Variants in JMJD1C observed in about 807,000 individuals in gnomAD.
The protein encoded by JMJD1C is jumonji domain containing 1C, also known as jumonji domain-containing protein 1C.
Under a neutral mutation model 245.3 loss-of-function variants are expected in JMJD1C, and 31 were observed. The observed-to-expected ratio is 0.13, with a 90% confidence interval of 0.09 to 0.17. JMJD1C has a LOEUF of 0.17. Ranked by LOEUF, JMJD1C falls within the 10% of genes least tolerant of loss-of-function variation. The pLI, the probability that JMJD1C is intolerant of heterozygous loss-of-function variation, is 1.00. For missense variants in JMJD1C, 2,691 were observed against 3,000.2 expected (o/e 0.90, Z 2.41); for synonymous variants, 1,057 against 1,017.4 (o/e 1.04, Z -0.74).
chr10:63,264,877 G>A, intron 2 of JMJD1C, 113 bp from the exon 3 acceptor site: 1 of 533,272 alleles, frequency 1.9e-6, no homozygotes, highest in Non-Finnish European at 3.3e-6. Context: ...AGAGTCTTAG[G>A]GTACCTAATA....
chr10:63,167,977 A>G lies in JMJD1C; in HGVS notation c.*68T>C, dbSNP rs1373979276. The stretch of plus-strand genomic sequence containing the variant: ...TTTATGAAGCTTAAAGTCAGTGTGC[A>G]TACATATCATCATTCAAGGTTAAGT... On this transcript the variant is annotated 3_prime_UTR_variant, in exon 26 of 26. Coordinates refer to ENST00000399262, the MANE Select transcript of JMJD1C (RefSeq NM_032776.3). The G allele has an allele frequency of 9.9e-6, 9 of 912,064 alleles. No individual in the cohort carries two copies. The highest frequency in any genetic ancestry group is 1.6e-5 in the African/African-American group (1 of 61,574). The allele number at this position is 912,064 out of a possible 1,614,324, so 56.5% of individuals were successfully genotyped here. A position where few individuals can be genotyped will look rare whatever the true frequency, so the allele number is the denominator to read the frequency against.
chr10:63,389,178 G>C (rs757144032), intron 1 of JMJD1C, among the ~76,000 whole-genome samples: 1 of 151,722 alleles, frequency 6.6e-6, no homozygotes, highest in African/African-American at 2.4e-5. Flanking sequence ...ACAAAAATTG[G>C]TGACATGCCT....
chr10:63,244,030 C>A (rs947426262), intron 3 of JMJD1C, among the ~76,000 whole-genome samples: 3 of 152,140 alleles, frequency 2.0e-5, no homozygotes, highest in Admixed American at 6.5e-5. Context: ...GGAGATCTAT[C>A]CCTGCCTCAA....
chr10:63,220,991 G>T (rs1341303072), intron 3 of JMJD1C, among the ~76,000 whole-genome samples: 2 of 151,814 alleles, frequency 1.3e-5, no homozygotes, highest in Admixed American at 6.6e-5. Flanking sequence ...GGAGCCTGTA[G>T]TCCCAGCTAC....
At position 63,296,001 on chromosome 10, in the gene JMJD1C, GTGTA is replaced by G. The variant is rs1216119520; in HGVS notation, c.334-31241_334-31238del. On this transcript the variant is annotated intron_variant, in intron 2 of 25. Coordinates refer to ENST00000399262, the MANE Select transcript of JMJD1C (RefSeq NM_032776.3). ...TGTGTGTGTGTGTGTGTGTGTGTGT[GTGTA>G]TATATATATTTTTTTTTTTTTCTTA... Among the ~76,000 whole-genome samples the G allele has an allele frequency of 1.2e-4, 12 of 97,620 alleles. No homozygotes were observed. In the East Asian group the frequency reaches 1.6e-3, roughly 13 times the overall value. 64.0% of individuals were successfully genotyped at this position (97,620 alleles called of 152,430 possible).
chr10:63,330,394 G>C (rs1942018743), intron 2 of JMJD1C, among the ~76,000 whole-genome samples: 1 of 151,694 alleles, frequency 6.6e-6, no homozygotes, highest in Non-Finnish European at 1.5e-5. Flanking sequence ...AGAAGAAAAT[G>C]GTATCTTTCT....
intron 2 of JMJD1C, among the ~76,000 whole-genome samples, chr10:63,353,504 G>C (rs746812599): frequency 1.7e-4 from 26 of 152,242 alleles, no homozygotes; most frequent in Middle Eastern, 3.4e-3. Context: ...GGGAACCACA[G>C]GTACTTTGGG....
chr10:63,410,442 G>A (rs1949414770), intron 1 of JMJD1C, among the ~76,000 whole-genome samples: 1 of 152,154 alleles, frequency 6.6e-6, no homozygotes, highest in Non-Finnish European at 1.5e-5. Context: ...TGAAGAGTGA[G>A]TGAGGTGAAA....
intron 2 of JMJD1C, among the ~76,000 whole-genome samples, chr10:63,342,442 A>G (rs1436800091): frequency 6.6e-6 from 1 of 152,248 alleles, no homozygotes; most frequent in African/African-American, 2.4e-5. Flanking sequence ...TTAAAAAGCC[A>G]TCTAGCAGAA....
intron 1 of JMJD1C, among the ~76,000 whole-genome samples, chr10:63,412,569 C>G (rs1239156669): frequency 6.6e-6 from 1 of 152,146 alleles, no homozygotes; most frequent in Non-Finnish European, 1.5e-5. Flanking sequence ...GGCTAAAAAC[C>G]TATCACAGCA....
chr10:63,512,987 ATTC>A (rs1045332783), intron 1 of JMJD1C, among the ~76,000 whole-genome samples: 5 of 152,148 alleles, frequency 3.3e-5, no homozygotes, highest in Admixed American at 2.0e-4. Context: ...TATCAATGAA[ATTC>A]TTCATTTGTT....
intron 3 of JMJD1C, among the ~76,000 whole-genome samples, chr10:63,230,664 A>G (rs746404965): frequency 6.6e-6 from 1 of 151,966 alleles, no homozygotes; most frequent in Non-Finnish European, 1.5e-5. Context: ...AATCCCAGCT[A>G]CTTGAGAGGC....
chr10:63,467,959 C>T (rs1295097586), upstream of JMJD1C, among the ~76,000 whole-genome samples: 2 of 152,190 alleles, frequency 1.3e-5, no homozygotes, highest in Non-Finnish European at 2.9e-5. Flanking sequence ...ATCCCACTCA[C>T]CAAATTACAT....
intron 3 of JMJD1C, among the ~76,000 whole-genome samples, chr10:63,238,662 T>A (rs994505900): frequency 1.3e-5 from 2 of 152,226 alleles, no homozygotes; most frequent in African/African-American, 4.8e-5. Context: ...CATAACCTCA[T>A]GCTGTCAAGC....
chr10:63,499,527 G>A (rs571253741), intron 1 of JMJD1C, among the ~76,000 whole-genome samples: 6 of 152,246 alleles, frequency 3.9e-5, no homozygotes, highest in Non-Finnish European at 7.4e-5. Context: ...ACATACTAAT[G>A]TAGATCATGG....
At chr10:63,333,027 T>C (rs1433055426) in intron 2 of JMJD1C, among the ~76,000 whole-genome samples, 12 of 152,182 alleles carry the variant, frequency 7.9e-5, no homozygotes, top group Non-Finnish European at 1.3e-4. Flanking sequence ...TGTTTAAGCT[T>C]AATTTTTAGC....
At chr10:63,374,812 T>C (rs1340208786) in intron 2 of JMJD1C, among the ~76,000 whole-genome samples, 1 of 152,178 alleles carries the variant, frequency 6.6e-6, no homozygotes, top group Admixed American at 6.5e-5. Context: ...AAAAGCAGGA[T>C]CTACAATTTT....
intron 24 of JMJD1C, among the ~76,000 whole-genome samples, chr10:63,171,815 C>CTA (rs1842397697): frequency 6.6e-6 from 1 of 152,172 alleles, no homozygotes; most frequent in South Asian, 2.1e-4. Flanking sequence ...TGAGGGCCAC[C>CTA]TATAGCCTAC....
intron 3 of JMJD1C, among the ~76,000 whole-genome samples, chr10:63,220,950 T>C (rs1416528191): frequency 1.3e-5 from 2 of 151,776 alleles, no homozygotes; most frequent in African/African-American, 4.8e-5. Context: ...CTACTAAAAA[T>C]ACAAAAAAAT....
Sources: allele counts gnomAD v4.1 joint callset (sites outside exome capture counted in the v4.1 genomes callset), GRCh38; gene constraint gnomAD v4.1.1; transcripts MANE v1.5; gene names NCBI Gene and HGNC (gene_info 2026-07-23, HGNC 2026-07-21).